Variants in PTPRN2 observed in about 807,000 individuals in gnomAD.
PTPRN2 encodes the protein receptor-type tyrosine-protein phosphatase N2.
Under a neutral mutation model 118.8 loss-of-function variants are expected in PTPRN2, and 74 were observed. The observed-to-expected ratio is 0.62, with a 90% confidence interval of 0.52 to 0.76. The LOEUF (loss-of-function observed/expected upper bound fraction) is 0.76. PTPRN2 is among the 30% of genes least tolerant of loss of function. PTPRN2 has a pLI of 0.00. For synonymous variants in PTPRN2, 641 were observed against 608.0 expected, an observed-to-expected ratio of 1.05 and a Z score of -0.80; for missense variants, 1,481 against 1,394.4, an observed-to-expected ratio of 1.06 and a Z score of -0.99.
chr7:158,400,115 T>G (rs1447185681), intron 2 of PTPRN2, among the ~76,000 whole-genome samples: 1 of 152,212 alleles, frequency 6.6e-6, no homozygotes, highest in Non-Finnish European at 1.5e-5. Context: ...TATGTCATCG[T>G]TAAAGCTGTG....
rs1005866007 is a variant in PTPRN2 at position 158,563,619 on chromosome 7, G to A, written c.112+23939C>T. ...GATGAAGAATCCTGCAGCTCTCGCC[G>A]GGGACATCTGAACATCCTTGTTAGC... On this transcript the variant is annotated intron_variant, in intron 1 of 22. Transcript: ENST00000389418. The surrounding 1 kb of genome is among the most constrained non-coding windows in gnomAD (Gnocchi z 5.1). 8.5e-5 allele frequency among the ~76,000 whole-genome samples: 13 copies of A among 152,186 alleles called. No individual in the cohort carries two copies. The highest frequency in any genetic ancestry group is 1.6e-4 in the Non-Finnish European group (11 of 68,036).
intron 2 of PTPRN2, among the ~76,000 whole-genome samples, chr7:158,420,362 GA>G (rs1409672302): frequency 6.6e-6 from 1 of 152,138 alleles, no homozygotes; most frequent in Admixed American, 6.5e-5. Flanking sequence ...TCTCTCCTTT[GA>G]GGGCAACTGA....
chr7:157,577,714 T>G (rs779080235), intron 18 of PTPRN2, among the ~76,000 whole-genome samples: 9 of 152,110 alleles, frequency 5.9e-5, no homozygotes, highest in Admixed American at 1.3e-4. Context: ...TTTAGAAAAA[T>G]CTAAAAGATA....
rs1803810153 is a variant in PTPRN2 at position 157,986,624 on chromosome 7, C to G, written c.1724-87887G>C. Among the ~76,000 whole-genome samples, 1 of 152,210 alleles carries G rather than the reference C, an allele frequency of 6.6e-6. No homozygotes were observed. The highest frequency in any genetic ancestry group is 1.9e-4 in the East Asian group (1 of 5,196). ...TTCCTTTCGTCCTCACTCAAAATTC[C>G]CATTCACTCAGCATTACCACGGTTT... On this transcript the variant is annotated intron_variant, in intron 11 of 22. Transcript: ENST00000389418. This position sits in a 1 kb window ranked among gnomAD's most constrained non-coding sequence, Gnocchi z 4.5.
At chr7:157,891,164 C>T (rs546281011) in intron 12 of PTPRN2, among the ~76,000 whole-genome samples, 11 of 152,170 alleles carry the variant, frequency 7.2e-5, no homozygotes, top group African/African-American at 1.2e-4. Context: ...ATGGCCATGT[C>T]GAGCCATCAC....
At chr7:157,561,306 C>T (rs1799180703) in intron 21 of PTPRN2, among the ~76,000 whole-genome samples, 2 of 152,240 alleles carry the variant, frequency 1.3e-5, no homozygotes, top group Admixed American at 1.3e-4. Flanking sequence ...GGTTCTCCCA[C>T]TTCCCTGCAG....
At chr7:157,924,687 G>C (rs989675110) in intron 11 of PTPRN2, among the ~76,000 whole-genome samples, 1 of 152,272 alleles carries the variant, frequency 6.6e-6, no homozygotes, top group Non-Finnish European at 1.5e-5. Flanking sequence ...AAGACTTGCC[G>C]AGTCAGCCAG....
At chr7:157,730,188 GC>G (rs60143150) in intron 12 of PTPRN2, among the ~76,000 whole-genome samples, 34 of 150,638 alleles carry the variant, frequency 2.3e-4, no homozygotes, top group South Asian at 4.2e-4. Flanking sequence ...CACCACCCCT[GC>G]CCCCCCCCGG....
chr7:158,570,168 G>A lies in PTPRN2; in HGVS notation c.112+17390C>T, dbSNP rs541287128. Among the ~76,000 whole-genome samples the A allele has an allele frequency of 7.9e-3, 1,197 of 152,236 alleles. 20 individuals are homozygous for A. The highest frequency in any genetic ancestry group is 0.026 in the African/African-American group (1,100 of 41,548). On this transcript the variant is annotated intron_variant, in intron 1 of 22. Transcript: ENST00000389418. The surrounding 1 kb of genome is among the most constrained non-coding windows in gnomAD (Gnocchi z 4.5). The stretch of plus-strand genomic sequence containing the variant: ...TCTCCAACCCCTGCAGGCCGACCTG[G>A]GCAGCCAGGCGGGGAGCGCGCAGCC...
chr7:158,269,085 A>G (rs1048421805), intron 3 of PTPRN2, among the ~76,000 whole-genome samples: 1 of 152,204 alleles, frequency 6.6e-6, no homozygotes, highest in African/African-American at 2.4e-5. Flanking sequence ...GGAGGAGCAC[A>G]GGAGGAGCTC....
chr7:158,334,564 G>C (rs1805206926), intron 2 of PTPRN2, among the ~76,000 whole-genome samples: 4 of 107,106 alleles, frequency 3.7e-5, no homozygotes, highest in Non-Finnish European at 6.3e-5. Flanking sequence ...CACCATAAGA[G>C]CTCTCGCCCA....
At chr7:157,713,918 GA>G (rs1798776924) in intron 12 of PTPRN2, among the ~76,000 whole-genome samples, 1 of 152,182 alleles carries the variant, frequency 6.6e-6, no homozygotes, top group Non-Finnish European at 1.5e-5. Context: ...TCCCCTTCAC[GA>G]AGGAGCGGAA....
intron 2 of PTPRN2, among the ~76,000 whole-genome samples, chr7:158,317,204 C>T (rs77756704): frequency 0.026 from 3,945 of 152,318 alleles, 193 homozygotes; most frequent in African/African-American, 0.09. Context: ...CCATACCCCC[C>T]GAGCCCTCCT....
At chr7:157,829,399 G>A (rs1391168325) in intron 12 of PTPRN2, among the ~76,000 whole-genome samples, 1 of 152,176 alleles carries the variant, frequency 6.6e-6, no homozygotes, top group African/African-American at 2.4e-5. Context: ...CATCTGGGGC[G>A]CTCTTTTTGT....
intron 3 of PTPRN2, among the ~76,000 whole-genome samples, chr7:158,225,380 C>T (rs1225097057): frequency 6.6e-6 from 1 of 152,062 alleles, no homozygotes; most frequent in Non-Finnish European, 1.5e-5. Flanking sequence ...CGGAGCACCA[C>T]TTGGTTATGA....
At chr7:157,624,340 G>A (rs1460377862) in intron 14 of PTPRN2, among the ~76,000 whole-genome samples, 2 of 152,006 alleles carry the variant, frequency 1.3e-5, no homozygotes, top group Non-Finnish European at 2.9e-5. Flanking sequence ...AGAATCGCTT[G>A]AACCTGGGAA....
In PTPRN2 at chr7:157,611,881, A is replaced by G. The variant is rs542603603; in HGVS notation, c.2345-7806T>C. The stretch of plus-strand genomic sequence containing the variant: ...AGAGCGCCCGTGTGAAGACGAAGAC[A>G]GCCGCAGTCATGCTGGGGACACGCG... On this transcript the variant is annotated intron_variant, in intron 15 of 22. Coordinates refer to ENST00000389418, the MANE Select transcript of PTPRN2 (RefSeq NM_002847.5). This position sits in a 1 kb window ranked among gnomAD's most constrained non-coding sequence, Gnocchi z 5.9. Among the ~76,000 whole-genome samples, 767 of 148,838 alleles carry G rather than the reference A, an allele frequency of 5.2e-3. 8 individuals are homozygous for G. The highest frequency in any genetic ancestry group is 0.019 in the African/African-American group (733 of 38,796).
chr7:158,502,631 G>A (rs150612051), intron 1 of PTPRN2, among the ~76,000 whole-genome samples: 31 of 152,350 alleles, frequency 2.0e-4, no homozygotes, highest in African/African-American at 6.7e-4. Flanking sequence ...TTCACACAGC[G>A]AGGCTAGGTG....
At chr7:158,447,055 A>T (rs1349929388) in intron 2 of PTPRN2, among the ~76,000 whole-genome samples, 1 of 152,240 alleles carries the variant, frequency 6.6e-6, no homozygotes, top group Non-Finnish European at 1.5e-5. Flanking sequence ...GCAGGCCAAC[A>T]GCAGCTCCAG....
Sources: gnomAD v4.1 joint callset for allele counts (sites outside exome capture counted in the v4.1 genomes callset) on GRCh38, gnomAD v4.1.1 for gene constraint, Gnocchi (gnomAD v3.1) non-coding constraint, MANE v1.5 for transcripts, NCBI Gene and HGNC (gene_info 2026-07-23, HGNC 2026-07-21) for gene names.